The following PRLR variants were observed in gnomAD, a reference collection of about 807,000 sequenced individuals.
The protein encoded by PRLR is prolactin receptor.
In PRLR, 13 loss-of-function variants were observed where a neutral mutation model predicts 40.2. The ratio of observed to expected loss-of-function variants is 0.32; its 90% CI spans 0.21 to 0.51. The LOEUF (loss-of-function observed/expected upper bound fraction) is 0.51, where lower values mean the gene tolerates loss of function less well. Ranked by LOEUF, PRLR falls within the 20% of genes least tolerant of loss-of-function variation. PRLR has a pLI of 0.97. For synonymous variants in PRLR, 269 were observed against 278.7 expected (o/e 0.97, Z 0.35); for missense variants, 656 against 747.3 (o/e 0.88, Z 1.42).
intron 1 of PRLR, among the ~76,000 whole-genome samples, chr5:35,221,576 T>C (rs1479725361): frequency 6.6e-6 from 1 of 152,228 alleles, no homozygotes; most frequent in Non-Finnish European, 1.5e-5. Flanking sequence ...AATTAAGATT[T>C]GGATCATAGC....
At chr5:35,152,927 C>T (rs188711662) in intron 1 of PRLR, 2 of 152,288 alleles carry the variant, frequency 1.3e-5, no homozygotes, top group African/African-American at 4.8e-5. Flanking sequence ...TATCACATGA[C>T]TTAACAGGTG....
intron 1 of PRLR, among the ~76,000 whole-genome samples, chr5:35,137,494 C>T (rs914047756): frequency 9.2e-5 from 14 of 152,284 alleles, no homozygotes; most frequent in East Asian, 3.9e-4. Context: ...AAAGGTCCAG[C>T]GTTCCTAGAA....
chr5:35,218,879 C>T (rs1284359718), intron 1 of PRLR, among the ~76,000 whole-genome samples: 1 of 151,926 alleles, frequency 6.6e-6, no homozygotes, highest in East Asian at 1.9e-4. Context: ...ACTTTGGTTT[C>T]TTCAGTCTTT....
chr5:35,103,593 T>C (rs1224580818), intron 2 of PRLR, among the ~76,000 whole-genome samples: 1 of 152,234 alleles, frequency 6.6e-6, no homozygotes, highest in Non-Finnish European at 1.5e-5. Context: ...GATTGGGAAG[T>C]CAAAACTCAA....
chr5:35,105,934 CA>C (rs2111591183), intron 2 of PRLR, among the ~76,000 whole-genome samples: 1 of 152,198 alleles, frequency 6.6e-6, no homozygotes, highest in African/African-American at 2.4e-5. Context: ...TCAGATTCAC[CA>C]AAGTTGAAAT....
intron 1 of PRLR, among the ~76,000 whole-genome samples, chr5:35,160,823 C>A (rs534507050): frequency 6.6e-6 from 1 of 152,320 alleles, no homozygotes; most frequent in South Asian, 2.1e-4. Flanking sequence ...CCGCTTCAAC[C>A]AATCAGTGGA....
chr5:35,159,719 C>T (rs1330944144), intron 1 of PRLR, among the ~76,000 whole-genome samples: 4 of 152,086 alleles, frequency 2.6e-5, no homozygotes, highest in Non-Finnish European at 5.9e-5. Flanking sequence ...AGTTTGGGGG[C>T]ATTTTCTGTA....
intron 1 of PRLR, among the ~76,000 whole-genome samples, chr5:35,207,588 T>G (rs1776054394): frequency 6.6e-6 from 1 of 151,288 alleles, no homozygotes; most frequent in South Asian, 2.1e-4. Context: ...ATTTAACACA[T>G]TCCCAATCAA....
At chr5:35,104,198 C>T (rs1772076755) in intron 2 of PRLR, among the ~76,000 whole-genome samples, 1 of 152,162 alleles carries the variant, frequency 6.6e-6, no homozygotes, top group Admixed American at 6.5e-5. Flanking sequence ...CCTCCGTCCA[C>T]ATGTAGGGCA....
Position 35,064,997 on chromosome 5 carries a change from CAGTCTGACT to C in PRLR, c.*83_*91del. 7.2e-7 allele frequency: 1 copy of C among 1,398,394 alleles called. No individual in the cohort carries two copies. The highest frequency in any genetic ancestry group is 9.7e-7 in the Non-Finnish European group (1 of 1,031,420). The allele number at this position is 1,398,394 out of a possible 1,614,324, so 86.6% of individuals were successfully genotyped here. ...AAGGAGCTGGGAGCTTTAGTAGTGT[CAGTCTGACT>C]ACATTCTTGAGCATTTCACGTACTC... is the stretch of plus-strand genomic sequence containing the variant. On this transcript the variant is annotated 3_prime_UTR_variant, in exon 10 of 10. Coordinates refer to ENST00000618457, the MANE Select transcript of PRLR (RefSeq NM_000949.7).
chr5:35,140,127 C>T (rs74437137), intron 1 of PRLR, among the ~76,000 whole-genome samples: 3,946 of 152,228 alleles, frequency 0.026, 87 homozygotes, highest in Middle Eastern at 0.092. Flanking sequence ...TACTCAAGAT[C>T]TGAGTGAAAA....
intron 1 of PRLR, among the ~76,000 whole-genome samples, chr5:35,181,096 A>T (rs1371966296): frequency 6.6e-6 from 1 of 150,534 alleles, no homozygotes; most frequent in Non-Finnish European, 1.5e-5. Context: ...TAAAATGGCC[A>T]ATTCTCAAGG....
chr5:35,159,440 G>GA lies in PRLR; in HGVS notation c.-105-41319dup, dbSNP rs546158924. ...CAGACCTGCATCTGCTTATAACCCA[G>GA]AAAAAACTAGAGTGTCACCAGAGAG... On this transcript the variant is annotated intron_variant, in intron 1 of 9. Transcript: ENST00000618457. Among the ~76,000 whole-genome samples the GA allele has an allele frequency of 9.8e-4, 148 of 151,020 alleles. 3 individuals are homozygous for GA. The East Asian group carries it at 0.025, about 25-fold the overall frequency.
At chr5:35,106,814 C>T (rs188103648) in intron 2 of PRLR, among the ~76,000 whole-genome samples, 2 of 152,238 alleles carry the variant, frequency 1.3e-5, no homozygotes, top group East Asian at 1.9e-4. Context: ...TTAGACAGAT[C>T]GATGACACAG....
chr5:35,147,928 A>C lies in PRLR; in HGVS notation c.-105-29806T>G, dbSNP rs929214075. ...ATTCACTATGGTGAATCCATAGAAG[A>C]AATTAGAAGAATTAGAAGAAAATTG... On this transcript the variant is annotated intron_variant, in intron 1 of 9. Coordinates refer to ENST00000618457, the MANE Select transcript of PRLR (RefSeq NM_000949.7). Among the ~76,000 whole-genome samples the C allele has an allele frequency of 1.1e-4, 16 of 152,182 alleles. 1 individual carries two copies. The highest frequency in any genetic ancestry group is 2.4e-4 in the African/African-American group (10 of 41,476).
intron 1 of PRLR, among the ~76,000 whole-genome samples, chr5:35,229,777 G>GGCT (rs927704314): frequency 1.3e-5 from 2 of 152,078 alleles, no homozygotes; most frequent in African/African-American, 4.8e-5. Flanking sequence ...CTGCGGCGGC[G>GGCT]GCTGCTGCTG....
intron 1 of PRLR, among the ~76,000 whole-genome samples, chr5:35,211,695 A>G (rs1010411035): frequency 1.1e-4 from 17 of 152,216 alleles, no homozygotes; most frequent in Non-Finnish European, 8.8e-5. Context: ...AAATTTTTTA[A>G]GAAATCTGTA....
At chr5:35,163,898 A>T (rs1486079525) in intron 1 of PRLR, among the ~76,000 whole-genome samples, 1 of 152,202 alleles carries the variant, frequency 6.6e-6, no homozygotes, top group East Asian at 1.9e-4. Flanking sequence ...TGTGACAAAT[A>T]GATGGACTTG....
chr5:35,115,727 T>G (rs887763300), intron 2 of PRLR, among the ~76,000 whole-genome samples: 2 of 151,784 alleles, frequency 1.3e-5, no homozygotes, highest in African/African-American at 4.8e-5. Context: ...TGTTCCACCC[T>G]GGGTGGGTAT....
Sources: gnomAD v4.1 joint callset for allele counts (sites outside exome capture counted in the v4.1 genomes callset) on GRCh38, gnomAD v4.1.1 for gene constraint, MANE v1.5 for transcripts, NCBI Gene and HGNC (gene_info 2026-07-23, HGNC 2026-07-21) for gene names.